XKR6: variants seen among roughly 807,000 people sequenced by gnomAD.
XKR6 encodes XK-related protein 6.
In XKR6, 22 loss-of-function variants were observed where a neutral mutation model predicts 56.7. That is an observed-to-expected ratio of 0.39 (90% CI 0.28 to 0.55). The LOEUF is 0.55. XKR6 is among the 20% of genes least tolerant of loss of function. XKR6 has a pLI of 0.66. For missense variants in XKR6, 852 were observed against 889.0 expected (o/e 0.96, Z 0.53); for synonymous variants, 524 against 387.8 (o/e 1.35, Z -4.13).
intron 1 of XKR6, among the ~76,000 whole-genome samples, chr8:11,148,846 G>T (rs1402441878): frequency 6.6e-6 from 1 of 152,156 alleles, no homozygotes. Flanking sequence ...CAATAAAAAG[G>T]AAAGAACTAT....
At chr8:10,925,713 A>G (rs7821438) in intron 1 of XKR6, among the ~76,000 whole-genome samples, 22,494 of 152,234 alleles carry the variant, frequency 0.15, 1,914 homozygotes, top group Non-Finnish European at 0.18. Context: ...CATCTTTCAT[A>G]TGGGGACAGA....
intron 1 of XKR6, among the ~76,000 whole-genome samples, chr8:11,119,176 G>C (rs1799326058): frequency 6.6e-6 from 1 of 152,168 alleles, no homozygotes; most frequent in Non-Finnish European, 1.5e-5. Context: ...CTGAGAGACA[G>C]TTTGTTATAA....
intron 1 of XKR6, among the ~76,000 whole-genome samples, chr8:11,169,394 C>T (rs1802249634): frequency 6.6e-6 from 1 of 151,984 alleles, no homozygotes; most frequent in African/African-American, 2.4e-5. Flanking sequence ...TGCACTGAAG[C>T]TAGAAATCAA....
intron 1 of XKR6, among the ~76,000 whole-genome samples, chr8:11,100,929 AGGT>A (rs1326708761): frequency 6.6e-6 from 1 of 152,214 alleles, no homozygotes; most frequent in Non-Finnish European, 1.5e-5. Flanking sequence ...CTTTATGGGC[AGGT>A]GGTGCCGGAG....
intron 1 of XKR6, among the ~76,000 whole-genome samples, chr8:10,941,960 G>A (rs983594953): frequency 5.3e-5 from 8 of 152,180 alleles, no homozygotes; most frequent in African/African-American, 1.9e-4. Context: ...AACTGTTCAA[G>A]CTCTTTCCAA....
intron 1 of XKR6, among the ~76,000 whole-genome samples, chr8:10,999,728 A>G (rs777996080): frequency 1.3e-5 from 2 of 152,240 alleles, no homozygotes; most frequent in African/African-American, 4.8e-5. Context: ...CCAAACAAGG[A>G]GGTAGCATAA....
chr8:11,115,099 G>A (rs1251576962), intron 1 of XKR6, among the ~76,000 whole-genome samples: 1 of 152,056 alleles, frequency 6.6e-6, no homozygotes, highest in Non-Finnish European at 1.5e-5. Context: ...GAGGTAGGAG[G>A]GCAGTATGTA....
At chr8:11,195,000 C>A in intron 1 of XKR6, 1 of 575,580 alleles carries the variant, frequency 1.7e-6, no homozygotes, top group Non-Finnish European at 3.1e-6. Context: ...GGTTACTGTT[C>A]ACTCAAAAAC....
intron 1 of XKR6, chr8:11,128,713 C>T: frequency 2.5e-6 from 1 of 397,794 alleles, no homozygotes; most frequent in Non-Finnish European, 4.9e-6. Context: ...CATTAAACAC[C>T]TATTCCATCC....
At chr8:10,980,589 A>G (rs909910804) in intron 1 of XKR6, among the ~76,000 whole-genome samples, 1 of 152,226 alleles carries the variant, frequency 6.6e-6, no homozygotes, top group Non-Finnish European at 1.5e-5. Flanking sequence ...TTATCGATCT[A>G]CCATGGATTA....
chr8:11,115,731 A>G (rs1181769327), intron 1 of XKR6, among the ~76,000 whole-genome samples: 1 of 152,222 alleles, frequency 6.6e-6, no homozygotes. Context: ...CTGCAACGCT[A>G]AGCTTGTGGG....
At chr8:10,955,936 C>G (rs1458112264) in intron 1 of XKR6, among the ~76,000 whole-genome samples, 4 of 152,210 alleles carry the variant, frequency 2.6e-5, no homozygotes, top group Admixed American at 2.6e-4. Flanking sequence ...CCTTGTTGCC[C>G]TGGGCTTCAG....
chr8:11,090,472 C>A (rs1488855779), intron 1 of XKR6, among the ~76,000 whole-genome samples: 1 of 151,970 alleles, frequency 6.6e-6, no homozygotes, highest in African/African-American at 2.4e-5. Flanking sequence ...ATAGTCCTGG[C>A]AATGACACCA....
rs144508014 is a variant in XKR6, at chr8:11,185,398, G to A, written c.764+15178C>T. On this transcript the variant is annotated intron_variant, in intron 1 of 2. Transcript: ENST00000416569. ...ATCTTGTTTGTATCAATTAGCCTAT[G>A]GGAAAACTGGTTTCCATATACGTAG... is the stretch of plus-strand genomic sequence containing the variant. 4.2e-3 allele frequency among the ~76,000 whole-genome samples: 639 copies of A among 152,268 alleles called. 2 individuals carry two copies. Among genetic ancestry groups the A allele is most frequent in the African/African-American group, 0.015 (613 of 41,532 alleles).
intron 2 of XKR6, among the ~76,000 whole-genome samples, chr8:10,912,466 TAGAG>T (rs1172368505): frequency 0.097 from 9,487 of 98,150 alleles, 981 homozygotes; most frequent in African/African-American, 0.3. Context: ...TATATATATA[TAGAG>T]AGAGAGAGAG....
At chr8:11,145,831 G>T (rs1333090875) in intron 1 of XKR6, among the ~76,000 whole-genome samples, 1 of 151,860 alleles carries the variant, frequency 6.6e-6, no homozygotes, top group African/African-American at 2.4e-5. Context: ...TGTTTTTGTA[G>T]AAATTAACAA....
chr8:11,142,308 C>G (rs967972306), intron 1 of XKR6, among the ~76,000 whole-genome samples: 10 of 151,464 alleles, frequency 6.6e-5, no homozygotes, highest in African/African-American at 2.2e-4. Context: ...CCTGAAACAT[C>G]TTGACATACC....
intron 1 of XKR6, among the ~76,000 whole-genome samples, chr8:11,185,747 G>A (rs928784154): frequency 5.3e-5 from 8 of 152,128 alleles, no homozygotes; most frequent in African/African-American, 1.9e-4. Context: ...TTGGGCACAT[G>A]GCTACAATAC....
chr8:10,990,754 A>T (rs541326850), intron 1 of XKR6, among the ~76,000 whole-genome samples: 8 of 151,198 alleles, frequency 5.3e-5, no homozygotes, highest in African/African-American at 7.3e-5. Flanking sequence ...TAATGTTTAA[A>T]TTTTTTTTTG....
Sources: gnomAD v4.1 joint callset for allele counts (sites outside exome capture counted in the v4.1 genomes callset) on GRCh38, gnomAD v4.1.1 for gene constraint, MANE v1.5 for transcripts, NCBI Gene and HGNC (gene_info 2026-07-23, HGNC 2026-07-21) for gene names.